The following HEG1 variants were observed in gnomAD, a reference collection of about 807,000 sequenced individuals.
HEG1 encodes heart development protein with EGF like domains 1.
HEG1 carries 56 observed loss-of-function variants against 125.6 expected under a neutral mutation model. The ratio of observed to expected loss-of-function variants is 0.45; its 90% CI spans 0.36 to 0.56. The LOEUF (loss-of-function observed/expected upper bound fraction) is 0.56, where lower values mean the gene tolerates loss of function less well. Ranked by LOEUF, HEG1 falls within the 20% of genes least tolerant of loss-of-function variation. HEG1 has a pLI of 0.00. For synonymous variants in HEG1, 644 were observed against 668.5 expected, an observed-to-expected ratio of 0.96 and a Z score of 0.57; for missense variants, 1,523 against 1,670.0, an observed-to-expected ratio of 0.91 and a Z score of 1.53.
intron 13 of HEG1, 51 bp from the exon 14 acceptor site, chr3:124,990,875 G>A (rs1936821952): frequency 1.3e-6 from 2 of 1,554,266 alleles, no homozygotes; most frequent in Non-Finnish European, 1.7e-6. Flanking sequence ...AATCTCAAAA[G>A]AAATAAGTGA....
chr3:124,982,817 C>T (rs999262628), intron 14 of HEG1, among the ~76,000 whole-genome samples: 23 of 152,174 alleles, frequency 1.5e-4, no homozygotes, highest in Non-Finnish European at 7.3e-5. Context: ...GCTGGCTGGT[C>T]CTGGAACAAA....
intron 1 of HEG1, among the ~76,000 whole-genome samples, chr3:125,046,111 G>A (rs1011992750): frequency 6.6e-6 from 1 of 152,002 alleles, no homozygotes; most frequent in African/African-American, 2.4e-5. Flanking sequence ...AAGCAGAAGG[G>A]GTTAAGCACA....
intron 11 of HEG1, among the ~76,000 whole-genome samples, chr3:125,001,183 A>T (rs972178379): frequency 4.6e-5 from 7 of 152,078 alleles, no homozygotes; most frequent in Admixed American, 1.3e-4. Flanking sequence ...GTTTCTGTGC[A>T]TTTATAATGT....
rs369610485 is a variant in HEG1, at chr3:125,027,262, A to G, written c.856T>C (p.Ser286Pro). ...RKRNSSGPDL[S>P]WLHFYRTAAS... ...GCTGTCCTGTAGAAATGCAGCCAGG[A>G]GAGATCTGGTCCTGAGGAATTTCTC... The change falls in exon 3 of 17, where the codon TCC (serine) becomes CCC (proline). Residue 286 changes from serine (S) to proline (P), a missense_variant. Coordinates refer to ENST00000311127, the MANE Select transcript of HEG1 (RefSeq NM_020733.2). 1.2e-6 allele frequency: 2 copies of G among 1,612,866 alleles called. No individual in the cohort carries two copies. The highest frequency in any genetic ancestry group is 1.7e-6 in the Non-Finnish European group (2 of 1,179,560).
rs371494538 is a variant in HEG1 at position 124,970,766 on chromosome 3, G to A, written c.4032C>T (p.Asn1344=). 1.4e-5 allele frequency: 23 copies of A among 1,610,078 alleles called. No homozygotes were observed. The African/African-American group carries it at 2.5e-4, about 18-fold the overall frequency. Residue 1344 remains asparagine, a synonymous_variant, in exon 17 of 17, where the codon AAC becomes AAT. Transcript: ENST00000311127. ...TSVRNPELER[N]GLYPAYTGLP... ...GTCCAGTGTAGGCCGGGTAGAGTCC[G>A]TTTCGTTCAAGTTCTGGATTCCTTA...
At chr3:125,032,238 T>A (rs919463258) in intron 1 of HEG1, among the ~76,000 whole-genome samples, 1 of 152,204 alleles carries the variant, frequency 6.6e-6, no homozygotes, top group African/African-American at 2.4e-5. Flanking sequence ...TCTGATTCAC[T>A]CCTTCTAGAA....
chr3:124,978,733 C>T (rs1468461815), intron 14 of HEG1, among the ~76,000 whole-genome samples: 3 of 151,036 alleles, frequency 2.0e-5, no homozygotes, highest in Non-Finnish European at 2.9e-5. Flanking sequence ...TCCAGGAGAC[C>T]GAGGTTGCTG....
At position 125,027,206 on chromosome 3, in the gene HEG1, T is replaced by C. The variant is rs375210300; in HGVS notation, c.912A>G (p.Ser304=). The part of the protein sequence containing the change: ...AASSPLLDLS[S]SSESTEKLNN... ...TTAAGCTGGGTATGTGGCACTCACA[T>C]GAGGAAAGGTCTAAGAGAGGAGAGG... Residue 304 remains serine (S), a splice_region_variant and synonymous_variant, in exon 3 of 17, where the codon TCA becomes TCG. Coordinates refer to ENST00000311127, the MANE Select transcript of HEG1 (RefSeq NM_020733.2). 9 of 1,593,074 alleles carry C rather than the reference T, an allele frequency of 5.6e-6. No homozygotes were observed. The East Asian group carries it at 1.6e-4, about 28-fold the overall frequency.
chr3:125,031,703 A>ACC (rs63332360), intron 1 of HEG1, among the ~76,000 whole-genome samples: 4 of 151,122 alleles, frequency 2.6e-5, no homozygotes, highest in African/African-American at 9.7e-5. Context: ...ACCCACATAT[A>ACC]CCCCCCACAC....
At chr3:125,041,528 T>G (rs1391989582) in intron 1 of HEG1, among the ~76,000 whole-genome samples, 3 of 152,222 alleles carry the variant, frequency 2.0e-5, no homozygotes, top group Non-Finnish European at 4.4e-5. Flanking sequence ...GCAGCCACTG[T>G]GGAAAACAGT....
rs1390736737 is a variant in HEG1 at position 125,027,339 on chromosome 3, G to A, written c.779C>T (p.Pro260Leu). 2 of 1,613,934 alleles carry A rather than the reference G, an allele frequency of 1.2e-6. No individual in the cohort carries two copies. Among genetic ancestry groups the A allele is most frequent in the Non-Finnish European group, 8.5e-7 (1 of 1,179,864 alleles). The change falls in exon 3 of 17, where the codon CCG becomes CTG. Residue 260 changes from proline to leucine, a missense_variant. By Grantham distance (98) the Pro-to-Leu change is moderately conservative. Coordinates refer to ENST00000311127, the MANE Select transcript of HEG1 (RefSeq NM_020733.2). ...SQEATTSAWS[P>L]SFLPALEMGE... ...CATCTCCAAAGCAGGAAGAAAGGAC[G>A]GGCTCCAAGCCGAAGTGGTGGCCTC... is the stretch of plus-strand genomic sequence containing the variant.
intron 15 of HEG1, among the ~76,000 whole-genome samples, chr3:124,974,835 C>T (rs1448755519): frequency 1.3e-5 from 2 of 152,284 alleles, no homozygotes; most frequent in African/African-American, 4.8e-5. Flanking sequence ...TAGGTGCTGG[C>T]TCTTTGTGGA....
chr3:125,038,147 C>T (rs754624734), intron 1 of HEG1, among the ~76,000 whole-genome samples: 3 of 152,230 alleles, frequency 2.0e-5, no homozygotes, highest in Admixed American at 6.5e-5. Flanking sequence ...TGGACCACAG[C>T]CCATACCAGA....
At chr3:125,012,513 T>G in intron 6 of HEG1, 110 bp downstream of exon 6, 3 of 1,152,370 alleles carry the variant, frequency 2.6e-6, no homozygotes, top group Non-Finnish European at 3.6e-6. Context: ...ACAGAAGCTA[T>G]TTCAAATGCC....
intron 2 of HEG1, among the ~76,000 whole-genome samples, chr3:125,028,121 C>T (rs1252794477): frequency 2.0e-5 from 3 of 152,188 alleles, no homozygotes; most frequent in African/African-American, 4.8e-5. Context: ...TAGGCCACAT[C>T]GCAGCACCTG....
chr3:125,027,967 A>G (rs1349902394), intron 2 of HEG1, among the ~76,000 whole-genome samples: 1 of 152,236 alleles, frequency 6.6e-6, no homozygotes, highest in Non-Finnish European at 1.5e-5. Context: ...TCTTTACAGA[A>G]TCGAGTCCCT....
At position 125,012,830 on chromosome 3, in the gene HEG1, A is replaced by G; in HGVS notation, c.2749T>C (p.Leu917=). 1.2e-6 allele frequency: 2 copies of G among 1,613,996 alleles called. No homozygotes were observed. Among genetic ancestry groups the G allele is most frequent in the Non-Finnish European group, 1.7e-6 (2 of 1,179,866 alleles). ...TTTGCTGATGTGGGTACACTGGTCA[A>G]AGGGATCAATCCAGTGGTAGCATCC... ...IVDATTGLIP[L]TSVPTSAKEM... Residue 917 remains leucine (L), a synonymous_variant, in exon 6 of 17, where the codon TTG becomes CTG. Coordinates refer to ENST00000311127, the MANE Select transcript of HEG1 (RefSeq NM_020733.2).
chr3:124,999,120 C>T (rs890018937), intron 11 of HEG1, among the ~76,000 whole-genome samples: 8 of 152,154 alleles, frequency 5.3e-5, no homozygotes, highest in Non-Finnish European at 1.2e-4. Context: ...TTTTGTGAGT[C>T]CTGAGAACTC....
At chr3:124,988,527 G>A (rs762755054) in intron 14 of HEG1, among the ~76,000 whole-genome samples, 25 of 152,130 alleles carry the variant, frequency 1.6e-4, no homozygotes, top group Non-Finnish European at 2.9e-4. Flanking sequence ...GTGAAGGGCC[G>A]TGCTCACATG....
Sources: gnomAD v4.1 joint callset for allele counts (sites outside exome capture counted in the v4.1 genomes callset) on GRCh38, gnomAD v4.1.1 for gene constraint, MANE v1.5 for transcripts, NCBI Gene and HGNC (gene_info 2026-07-23, HGNC 2026-07-21) for gene names.